NRXN3: variants seen among roughly 807,000 people sequenced by gnomAD.
NRXN3 encodes neurexin 3.
In NRXN3, 32 loss-of-function variants were observed where a neutral mutation model predicts 137.6. That is an observed-to-expected ratio of 0.23 (90% CI 0.18 to 0.31). The LOEUF is 0.31. Among genes scored for constraint, NRXN3 ranks in the 10% least tolerant of loss-of-function variants. NRXN3 has a pLI of 1.00. For missense variants in NRXN3, 1,574 were observed against 2,062.5 expected, an observed-to-expected ratio of 0.76 and a Z score of 4.59; for synonymous variants, 798 against 784.5, an observed-to-expected ratio of 1.02 and a Z score of -0.29.
intron 15 of NRXN3, among the ~76,000 whole-genome samples, chr14:79,266,355 T>TTATATA (rs150666453): frequency 6.6e-6 from 1 of 151,092 alleles, no homozygotes; most frequent in African/African-American, 2.4e-5. Context: ...GCTATAAAGG[T>TTATATA]TATATATATA....
intron 15 of NRXN3, among the ~76,000 whole-genome samples, chr14:79,236,363 A>C (rs2073365222): frequency 6.6e-6 from 1 of 152,152 alleles, no homozygotes; most frequent in Non-Finnish European, 1.5e-5. Flanking sequence ...ATATGTTCAC[A>C]TACATTTATG....
At chr14:79,733,765 A>G (rs1438053183) in intron 19 of NRXN3, among the ~76,000 whole-genome samples, 1 of 152,004 alleles carries the variant, frequency 6.6e-6, no homozygotes, top group African/African-American at 2.4e-5. Context: ...CCACTGTATC[A>G]TCTTTTTATG....
chr14:79,769,803 T>G (rs1331502493), intron 19 of NRXN3, among the ~76,000 whole-genome samples: 3 of 151,962 alleles, frequency 2.0e-5, no homozygotes, highest in East Asian at 1.9e-4. Context: ...TGGATTAAAT[T>G]CTCCAATTAA....
At chr14:78,313,055 A>G (rs538595894) in intron 4 of NRXN3, among the ~76,000 whole-genome samples, 4 of 152,330 alleles carry the variant, frequency 2.6e-5, no homozygotes, top group African/African-American at 9.6e-5. Flanking sequence ...CCATTAAACC[A>G]GTGGTAGTGT....
intron 15 of NRXN3, among the ~76,000 whole-genome samples, chr14:79,366,726 T>G (rs989844737): frequency 6.6e-6 from 1 of 152,172 alleles, no homozygotes; most frequent in Non-Finnish European, 1.5e-5. Flanking sequence ...ACTATAGTGT[T>G]TTTATGTCAT....
At chr14:79,257,095 C>G (rs983028414) in intron 15 of NRXN3, among the ~76,000 whole-genome samples, 10 of 152,152 alleles carry the variant, frequency 6.6e-5, no homozygotes, top group Admixed American at 2.0e-4. Context: ...CACTTGCATG[C>G]CTGGGAAGAA....
intron 14 of NRXN3, 128 bp downstream of exon 14, chr14:78,968,474 GCATCAC>G: frequency 1.4e-6 from 1 of 737,366 alleles, no homozygotes; most frequent in Non-Finnish European, 2.2e-6. Context: ...ACGTGACATT[GCATCAC>G]CATCAGTGTT....
At chr14:78,808,754 A>G (rs1443108146) in intron 9 of NRXN3, among the ~76,000 whole-genome samples, 3 of 152,204 alleles carry the variant, frequency 2.0e-5, no homozygotes, top group African/African-American at 7.2e-5. Flanking sequence ...TACTCAGAAT[A>G]ACTGGGTGCT....
chr14:78,728,309 G>A (rs2098496906), intron 8 of NRXN3, among the ~76,000 whole-genome samples: 1 of 152,036 alleles, frequency 6.6e-6, no homozygotes, highest in Non-Finnish European at 1.5e-5. Context: ...AGCAACTTAT[G>A]GTCTGGAAAA....
chr14:78,914,375 T>C (rs553723715), intron 10 of NRXN3, among the ~76,000 whole-genome samples: 1 of 152,226 alleles, frequency 6.6e-6, no homozygotes, highest in South Asian at 2.1e-4. Flanking sequence ...AGACAGTAAA[T>C]ACATCAGAAA....
intron 15 of NRXN3, among the ~76,000 whole-genome samples, chr14:79,265,092 A>C (rs932821170): frequency 1.3e-5 from 2 of 152,134 alleles, no homozygotes; most frequent in African/African-American, 4.8e-5. Context: ...AGATGGAAAA[A>C]ATTTTAATAA....
At chr14:78,375,859 A>C (rs1197626822) in intron 4 of NRXN3, among the ~76,000 whole-genome samples, 3 of 152,196 alleles carry the variant, frequency 2.0e-5, no homozygotes, top group Non-Finnish European at 4.4e-5. Flanking sequence ...GGATGATGTG[A>C]CAATTTATAA....
chr14:79,399,714 A>G (rs142077746), intron 15 of NRXN3, among the ~76,000 whole-genome samples: 76 of 152,336 alleles, frequency 5.0e-4, no homozygotes, highest in African/African-American at 1.8e-3. Context: ...TTATAATATG[A>G]CCACTTACAT....
At chr14:79,227,549 TG>T (rs2071164330) in intron 15 of NRXN3, among the ~76,000 whole-genome samples, 1 of 152,186 alleles carries the variant, frequency 6.6e-6, no homozygotes, top group African/African-American at 2.4e-5. Context: ...ATGTTATTTC[TG>T]TGCATGTTTG....
chr14:78,951,213 C>T (rs574490657), intron 10 of NRXN3, among the ~76,000 whole-genome samples: 2 of 152,178 alleles, frequency 1.3e-5, no homozygotes, highest in South Asian at 4.2e-4. Flanking sequence ...CTACAGCAAC[C>T]AGAGTGATTC....
chr14:78,628,976 G>C (rs1222082981), intron 4 of NRXN3, among the ~76,000 whole-genome samples: 1 of 152,116 alleles, frequency 6.6e-6, no homozygotes, highest in Non-Finnish European at 1.5e-5. Flanking sequence ...GATGACCCTG[G>C]ACCCCTAAAT....
intron 10 of NRXN3, among the ~76,000 whole-genome samples, chr14:78,922,583 T>C (rs2099273838): frequency 6.6e-6 from 1 of 152,102 alleles, no homozygotes; most frequent in African/African-American, 2.4e-5. Flanking sequence ...CAGTAAATAA[T>C]AGTGTTCTTC....
intron 4 of NRXN3, among the ~76,000 whole-genome samples, chr14:78,511,509 C>G (rs1180371621): frequency 6.6e-6 from 1 of 152,146 alleles, no homozygotes; most frequent in East Asian, 1.9e-4. Context: ...GAGAACCAGG[C>G]TGTTGAAGGC....
intron 8 of NRXN3, among the ~76,000 whole-genome samples, chr14:78,788,030 C>A (rs2098794261): frequency 2.0e-5 from 3 of 152,122 alleles, no homozygotes; most frequent in African/African-American, 7.2e-5. Context: ...TTGCAGAGCC[C>A]TTTCAAACAT....
Sources: allele counts gnomAD v4.1 joint callset (sites outside exome capture counted in the v4.1 genomes callset), GRCh38; gene constraint gnomAD v4.1.1; transcripts MANE v1.5; gene names NCBI Gene and HGNC (gene_info 2026-07-23, HGNC 2026-07-21).